TLN2: variants seen among roughly 807,000 people sequenced by gnomAD.
TLN2 encodes the protein talin 2.
TLN2 carries 118 observed loss-of-function variants against 294.7 expected under a neutral mutation model. The ratio of observed to expected loss-of-function variants is 0.40; its 90% CI spans 0.34 to 0.47. The LOEUF (loss-of-function observed/expected upper bound fraction) is 0.47. TLN2 is among the 20% of genes least tolerant of loss of function. TLN2 has a pLI of 0.84. For synonymous variants in TLN2, 1,431 were observed against 1,304.5 expected, an observed-to-expected ratio of 1.10 and a Z score of -2.09; for missense variants, 3,083 against 3,282.2, an observed-to-expected ratio of 0.94 and a Z score of 1.48.
chr15:62,723,702 C>T (rs543174551), intron 26 of TLN2, among the ~76,000 whole-genome samples: 16 of 151,808 alleles, frequency 1.1e-4, no homozygotes, highest in Admixed American at 7.2e-4. Context: ...CCACCACATC[C>T]AATTAATTTT....
At chr15:62,429,880 A>C (rs1374666232) in intron 1 of TLN2, among the ~76,000 whole-genome samples, 2 of 152,224 alleles carry the variant, frequency 1.3e-5, no homozygotes, top group African/African-American at 2.4e-5. Context: ...TTTCCTGAGA[A>C]CTGTCGTGTC....
At chr15:62,667,117 C>G (rs961419465) in intron 9 of TLN2, among the ~76,000 whole-genome samples, 2 of 152,194 alleles carry the variant, frequency 1.3e-5, no homozygotes, top group Admixed American at 6.5e-5. Context: ...AGGCGCCCAC[C>G]ACCACGCCCG....
At chr15:62,603,082 T>C (rs1310735514) in intron 2 of TLN2, among the ~76,000 whole-genome samples, 1 of 151,616 alleles carries the variant, frequency 6.6e-6, no homozygotes, top group East Asian at 1.9e-4. Context: ...TTAGTAGAGA[T>C]GGGGTTTCAC....
At chr15:62,729,743 T>C (rs2060616905) in intron 28 of TLN2, among the ~76,000 whole-genome samples, 1 of 152,176 alleles carries the variant, frequency 6.6e-6, no homozygotes, top group Non-Finnish European at 1.5e-5. Flanking sequence ...TTATAGGTAG[T>C]GTAATTACTG....
At chr15:62,656,129 A>G (rs1452151951) in intron 8 of TLN2, 43 bp downstream of exon 8, 10 of 1,603,790 alleles carry the variant, frequency 6.2e-6, no homozygotes, top group African/African-American at 2.7e-5. Flanking sequence ...GTGAGATTGC[A>G]GGAAGCTCCT....
chr15:62,555,717 C>T (rs770035291), intron 1 of TLN2, among the ~76,000 whole-genome samples: 20 of 152,214 alleles, frequency 1.3e-4, no homozygotes, highest in African/African-American at 3.9e-4. Context: ...TTACTTTTCC[C>T]GGTATAATGT....
rs372507487 is a variant in TLN2 at position 62,579,453 on chromosome 15, A to C, written c.-237-10234A>C. On this transcript the variant is annotated intron_variant, in intron 1 of 58. Transcript: ENST00000636159. ...CTGAGTATCTAATTCGGTCTTGATT[A>C]GCAGAATCCTCTCAAATGACCTCGT... Among the ~76,000 whole-genome samples the C allele has an allele frequency of 2.6e-5, 4 of 152,298 alleles. No individual in the cohort carries two copies. In the South Asian group the frequency reaches 8.3e-4, roughly 32 times the overall value.
At chr15:62,504,025 G>C (rs561907521) in intron 1 of TLN2, among the ~76,000 whole-genome samples, 5 of 152,126 alleles carry the variant, frequency 3.3e-5, no homozygotes, top group Non-Finnish European at 5.9e-5. Context: ...AAAATCAGTG[G>C]CATCAGTTGC....
chr15:62,411,429 ATGTGT>A (rs2033769726), intron 1 of TLN2, among the ~76,000 whole-genome samples: 1 of 136,598 alleles, frequency 7.3e-6, no homozygotes, highest in African/African-American at 2.8e-5. Context: ...TGAGTAATGG[ATGTGT>A]GTGTGTGTGT....
chr15:62,680,137 C>A (rs934329601), intron 11 of TLN2, among the ~76,000 whole-genome samples: 1 of 152,182 alleles, frequency 6.6e-6, no homozygotes, highest in South Asian at 2.1e-4. Context: ...TTTTCAAAAT[C>A]ATTTTAGCCA....
intron 1 of TLN2, among the ~76,000 whole-genome samples, chr15:62,462,132 G>A (rs950572530): frequency 1.1e-4 from 16 of 152,242 alleles, no homozygotes; most frequent in Non-Finnish European, 2.1e-4. Flanking sequence ...CTACTTGGGG[G>A]CTGAGGCAGG....
At chr15:62,650,380 C>T (rs780616195) in intron 5 of TLN2, among the ~76,000 whole-genome samples, 199 bp downstream of exon 5, 2 of 152,132 alleles carry the variant, frequency 1.3e-5, no homozygotes, top group Non-Finnish European at 2.9e-5. Flanking sequence ...AGGATTGAAG[C>T]AGTTCGAGGT....
chr15:62,724,017 G>A (rs982076548), intron 26 of TLN2, among the ~76,000 whole-genome samples: 2 of 152,056 alleles, frequency 1.3e-5, no homozygotes, highest in South Asian at 2.1e-4. Context: ...GGTTGGTGGT[G>A]CATGCCTGTA....
chr15:62,423,756 T>G (rs1485427675), intron 1 of TLN2, among the ~76,000 whole-genome samples: 1 of 152,136 alleles, frequency 6.6e-6, no homozygotes, highest in Admixed American at 6.5e-5. Flanking sequence ...AATTTTTGTA[T>G]TTTTGTAGAG....
Position 62,837,667 on chromosome 15 carries a change from T to C in TLN2, c.7375-1189T>C, listed in dbSNP as rs186643333. On this transcript the variant is annotated intron_variant, in intron 57 of 58. Coordinates refer to ENST00000636159, the MANE Select transcript of TLN2 (RefSeq NM_015059.3). ...ATGTGCAGATCCCAGCTGTATAACC[T>C]GCTAGCTACAAAATGTTAGGTTTCT... Among the ~76,000 whole-genome samples the C allele has an allele frequency of 6.5e-4, 99 of 152,346 alleles. 1 individual carries two copies. Among genetic ancestry groups the C allele is most frequent in the African/African-American group, 2.3e-3 (94 of 41,574 alleles).
intron 1 of TLN2, among the ~76,000 whole-genome samples, chr15:62,534,030 A>C (rs1052833910): frequency 6.6e-6 from 1 of 151,206 alleles, no homozygotes; most frequent in South Asian, 2.1e-4. Flanking sequence ...AATATCAGTC[A>C]CCAGGGGTTA....
chr15:62,690,028 T>C (rs1485241456), intron 12 of TLN2, among the ~76,000 whole-genome samples: 4 of 55,082 alleles, frequency 7.3e-5, no homozygotes, highest in Admixed American at 1.6e-4. Flanking sequence ...GGCTCCTCAC[T>C]TCCCAGTAGG....
chr15:62,727,065 C>T (rs778824555), intron 27 of TLN2, 22 bp from the exon 28 acceptor site: 3 of 1,610,478 alleles, frequency 1.9e-6, no homozygotes, highest in East Asian at 2.2e-5. Context: ...TACGTTCTTT[C>T]CCTCCTTGAA....
At chr15:62,560,371 G>A (rs1596128834) in intron 1 of TLN2, among the ~76,000 whole-genome samples, 2 of 152,108 alleles carry the variant, frequency 1.3e-5, no homozygotes, top group East Asian at 1.9e-4. Context: ...CTCCCAAGTG[G>A]CAATGACCCA....
Sources: allele counts gnomAD v4.1 joint callset (sites outside exome capture counted in the v4.1 genomes callset), GRCh38; gene constraint gnomAD v4.1.1; transcripts MANE v1.5; gene names NCBI Gene and HGNC (gene_info 2026-07-23, HGNC 2026-07-21).